The following COL18A1 variants were observed in gnomAD, a reference collection of about 807,000 sequenced individuals.
COL18A1 encodes collagen type XVIII alpha 1 chain.
In COL18A1, 133 loss-of-function variants were observed where a neutral mutation model predicts 168.0. The observed-to-expected ratio is 0.79, with a 90% CI of 0.69 to 0.91. The LOEUF (loss-of-function observed/expected upper bound fraction) is 0.91. Among genes scored for constraint, COL18A1 ranks in the 40% least tolerant of loss-of-function variants. COL18A1 has a pLI of 0.00. For synonymous variants in COL18A1, 949 were observed against 809.0 expected (o/e 1.17, Z -2.94); for missense variants, 2,126 against 1,925.4 (o/e 1.10, Z -1.95).
At chr21:45,484,651 C>T (rs547996265) in intron 15 of COL18A1, among the ~76,000 whole-genome samples, 117 of 148,594 alleles carry the variant, frequency 7.9e-4, no homozygotes, top group African/African-American at 2.8e-3. Flanking sequence ...ACACGCATCT[C>T]TTATGTGCAC....
At chr21:45,434,564 A>G (rs1008174900) in intron 2 of COL18A1, among the ~76,000 whole-genome samples, 1 of 152,184 alleles carries the variant, frequency 6.6e-6, no homozygotes, top group Non-Finnish European at 1.5e-5. Context: ...TGGCATGTAC[A>G]AGCAGGGCTG....
chr21:45,434,671 T>C (rs75812483), intron 2 of COL18A1, among the ~76,000 whole-genome samples: 6,452 of 152,312 alleles, frequency 0.042, 175 homozygotes, highest in African/African-American at 0.073. Context: ...GACGTTCCAC[T>C]TCCACCTCCT....
At position 45,481,992 on chromosome 21, in the gene COL18A1, G is replaced by C; in HGVS notation, c.1641G>C (p.Gly547=). 1 of 1,613,622 alleles carries C rather than the reference G, an allele frequency of 6.2e-7. No homozygotes were observed. The highest frequency in any genetic ancestry group is 8.5e-7 in the Non-Finnish European group (1 of 1,179,658). Reference sequence around the variant, plus strand: ...CCCCAGGCCCTCCGGGAAGAGAGGGGCCCCCAGGAAGGACTGGGCAGAAAG... The same window carrying C: ...CCCCAGGCCCTCCGGGAAGAGAGGGCCCCCCAGGAAGGACTGGGCAGAAAG... The part of the protein sequence containing the change: ...PGPPGPPGRE[G]PPGRTGQKGS... The change falls in exon 14 of 42, where the codon GGG becomes GGC. Residue 547 remains glycine, a synonymous_variant. Coordinates refer to ENST00000651438, the MANE Select transcript of COL18A1 (RefSeq NM_001379500.1).
chr21:45,503,043 G>A (rs1043355672), intron 32 of COL18A1: 1 of 152,166 alleles, frequency 6.6e-6, no homozygotes, highest in Non-Finnish European at 1.5e-5. Context: ...GTGTGCATGT[G>A]TCTTTATAGC....
chr21:45,487,590 C>A, intron 17 of COL18A1, 81 bp downstream of exon 17: 1 of 1,574,760 alleles, frequency 6.4e-7, no homozygotes, highest in Non-Finnish European at 8.7e-7. Context: ...CTGAGAGCCA[C>A]CGGCCTTGCA....
chr21:45,444,033 T>G (rs1243164635), intron 2 of COL18A1, among the ~76,000 whole-genome samples: 1 of 152,200 alleles, frequency 6.6e-6, no homozygotes, highest in Non-Finnish European at 1.5e-5. Flanking sequence ...TGTCCCTCTG[T>G]GGGGAACGTG....
intron 2 of COL18A1, chr21:45,421,012 C>T (rs1157362415): frequency 1.0e-5 from 2 of 190,486 alleles, no homozygotes; most frequent in African/African-American, 2.3e-5. Context: ...ACAGTCTGTG[C>T]CACTCACCCG....
rs544927331 is a variant in COL18A1 at position 45,457,792 on chromosome 21, C to G, written c.107-10450C>G. Among the ~76,000 whole-genome samples, 1 of 152,286 alleles carries G rather than the reference C, an allele frequency of 6.6e-6. No individual in the cohort carries two copies. On this transcript the variant is annotated intron_variant, in intron 2 of 41. Transcript: ENST00000651438. The surrounding 1 kb of genome is among the most constrained non-coding windows in gnomAD (Gnocchi z 4.6). ...TCCCCATAGTGCCGAGGGGAAGCAG[C>G]CTTGCTGTTTGCTCTTTGGGCTTTG... is the stretch of plus-strand genomic sequence containing the variant.
chr21:45,487,618 C>G (rs966141707), intron 17 of COL18A1, 109 bp downstream of exon 17: 2 of 1,428,380 alleles, frequency 1.4e-6, no homozygotes, highest in Non-Finnish European at 2.0e-6. Context: ...GGAAGCCGCC[C>G]TGCAGAGCCG....
At chr21:45,487,610 A>C in intron 17 of COL18A1, 101 bp downstream of exon 17, 1 of 1,487,952 alleles carries the variant, frequency 6.7e-7, no homozygotes, top group Non-Finnish European at 9.3e-7. Context: ...ATGGGATCGG[A>C]AGCCGCCCTG....
chr21:45,412,898 G>A (rs1216488519), intron 2 of COL18A1, among the ~76,000 whole-genome samples: 2 of 152,242 alleles, frequency 1.3e-5, no homozygotes, highest in African/African-American at 4.8e-5. Flanking sequence ...CCTCATGGGT[G>A]GGATGCCGCC....
rs143513815 is a variant in COL18A1 at position 45,458,706 on chromosome 21, C to T, written c.107-9536C>T. 6.8e-3 allele frequency among the ~76,000 whole-genome samples: 1,043 copies of T among 152,316 alleles called. 5 individuals are homozygous for T. The highest frequency in any genetic ancestry group is 0.01 in the Middle Eastern group (3 of 294). On this transcript the variant is annotated intron_variant, in intron 2 of 41. Transcript: ENST00000651438. ...AGGCTCCAGCACAGCCCACCTTGTC[C>T]TCCACTGCAAGCCCACGGAGGCAGA...
intron 2 of COL18A1, among the ~76,000 whole-genome samples, chr21:45,418,698 G>T: frequency 6.6e-6 from 1 of 150,384 alleles, no homozygotes. Context: ...CACCTCCTCA[G>T]GGGCCTCCCA....
In COL18A1 at chr21:45,437,767, T is replaced by TGC. The variant is rs1333891267; in HGVS notation, c.107-30474_107-30473dup. On this transcript the variant is annotated intron_variant, in intron 2 of 41. Transcript: ENST00000651438. ...ACACACTCAGACACAGGCACTCTCCTGCACACACACACACTCACTCACACA... is the reference window on the plus strand; with the variant it reads ...ACACACTCAGACACAGGCACTCTCCTGCGCACACACACACACTCACTCACACA... Among the ~76,000 whole-genome samples the TGC allele has an allele frequency of 5.7e-5, 2 of 35,364 alleles. 1 individual carries two copies. The highest frequency in any genetic ancestry group is 9.0e-5 in the Non-Finnish European group (2 of 22,134). The allele number at this position is 35,364 out of a possible 152,430, so 23.2% of individuals were successfully genotyped here.
chr21:45,511,337 G>C (rs914559405), intron 41 of COL18A1, 111 bp downstream of exon 41: 12 of 697,934 alleles, frequency 1.7e-5, no homozygotes, highest in Non-Finnish European at 2.9e-5. Flanking sequence ...TCTTATACAT[G>C]CTCATTACTT....
chr21:45,504,584 C>A, intron 34 of COL18A1, 28 bp downstream of exon 34: 1 of 1,555,374 alleles, frequency 6.4e-7, no homozygotes, highest in South Asian at 1.2e-5. Context: ...CAGGCAGAGC[C>A]CATGTCCCAG....
chr21:45,477,263 A>G (rs2035709158), intron 6 of COL18A1, 148 bp from the exon 7 acceptor site: 2 of 671,330 alleles, frequency 3.0e-6, no homozygotes, highest in Admixed American at 4.3e-5. Flanking sequence ...AGCTCAGGGG[A>G]GTGCGGCCTG....
rs187775568 is a variant in COL18A1, at chr21:45,446,272, T to A, written c.107-21970T>A. 3.4e-3 allele frequency among the ~76,000 whole-genome samples: 513 copies of A among 152,370 alleles called. 3 individuals are homozygous for A. The highest frequency in any genetic ancestry group is 0.012 in the African/African-American group (494 of 41,580). On this transcript the variant is annotated intron_variant, in intron 2 of 41. Transcript: ENST00000651438. ...TTTATTCCAGAACCCTCAGTTCCAC[T>A]GCACCGATGCGTGTGTCTGTCCTTG...
intron 2 of COL18A1, among the ~76,000 whole-genome samples, chr21:45,416,415 G>T (rs1190464977): frequency 1.3e-5 from 2 of 151,566 alleles, no homozygotes; most frequent in African/African-American, 4.9e-5. Flanking sequence ...TGGGGGTGGT[G>T]TGGGGACCGC....
Sources: allele counts gnomAD v4.1 joint callset (sites outside exome capture counted in the v4.1 genomes callset), GRCh38; gene constraint gnomAD v4.1.1; non-coding constraint Gnocchi (gnomAD v3.1); transcripts MANE v1.5; gene names NCBI Gene and HGNC (gene_info 2026-07-23, HGNC 2026-07-21).